Variants in RFC5 observed in about 807,000 individuals in gnomAD.
RFC5 encodes the protein replication factor C subunit 5.
In RFC5, 26 loss-of-function variants were observed where a neutral mutation model predicts 44.3. That is an observed-to-expected ratio of 0.59 (90% CI 0.43 to 0.81). RFC5 has a LOEUF of 0.81. Ranked by LOEUF, RFC5 falls within the 40% of genes least tolerant of loss-of-function variation. The pLI is 0.00. For missense variants in RFC5, 328 were observed against 418.6 expected (o/e 0.78, Z 1.89); for synonymous variants, 155 against 155.2 (o/e 1.00, Z 0.01).
intron 8 of RFC5, chr12:118,027,245 C>T (rs1470087712): frequency 1.6e-5 from 8 of 505,886 alleles, no homozygotes; most frequent in South Asian, 5.4e-5. Context: ...AGGCTTGAAG[C>T]AGCTTCACTC....
chr12:118,018,781 T>TGTATTTTTTG (rs1487024378), intron 1 of RFC5, among the ~76,000 whole-genome samples: 62 of 152,220 alleles, frequency 4.1e-4, no homozygotes, highest in African/African-American at 1.5e-3. Context: ...AGCTAATTTT[T>TGTATTTTTTG]GTATTTTTTG....
intron 7 of RFC5, among the ~76,000 whole-genome samples, chr12:118,026,654 T>G (rs111325163): frequency 2.0e-5 from 3 of 152,344 alleles, no homozygotes; most frequent in African/African-American, 7.2e-5. Flanking sequence ...AATCATTTGT[T>G]GCAAAGAAGG....
In RFC5 at chr12:118,025,777, A is replaced by T; in HGVS notation, c.612A>T (p.Ala204=). The change falls in exon 7 of 11, where the codon GCA becomes GCT. Residue 204 remains alanine, a synonymous_variant. Transcript: ENST00000454402. ...ATATAAGTGAAGATGGAATGAAAGC[A>T]CTAGTCACTCTTTCCAGTGGAGACA... ...KVDISEDGMK[A]LVTLSSGDMR... 3 of 1,609,646 alleles carry T rather than the reference A, an allele frequency of 1.9e-6. No individual in the cohort carries two copies. The highest frequency in any genetic ancestry group is 2.5e-6 in the Non-Finnish European group (3 of 1,177,536).
In RFC5 at chr12:118,031,941, C is replaced by T. The variant is rs533702309; in HGVS notation, c.*663C>T. On this transcript the variant is annotated 3_prime_UTR_variant, in exon 11 of 11. Coordinates refer to ENST00000454402, the MANE Select transcript of RFC5 (RefSeq NM_007370.7). ...ACTGGGTGGCAGAGGCTGTATAAAACGCACTTGTTTTCATGCAGGAGCGGG... is the reference window on the plus strand; with the variant it reads ...ACTGGGTGGCAGAGGCTGTATAAAATGCACTTGTTTTCATGCAGGAGCGGG... 3 of 152,282 alleles carry T rather than the reference C, an allele frequency of 2.0e-5. No individual in the cohort carries two copies. The highest frequency in any genetic ancestry group is 4.1e-4 in the South Asian group (2 of 4,820). 9.4% of individuals were successfully genotyped at this position (152,282 alleles called of 1,614,324 possible).
chr12:118,037,281 T>G (rs1382457630), downstream of RFC5, among the ~76,000 whole-genome samples: 1 of 152,184 alleles, frequency 6.6e-6, no homozygotes, highest in Non-Finnish European at 1.5e-5. Flanking sequence ...TATGGAACCA[T>G]GGAAATCTGT....
In RFC5 at chr12:118,025,846, T is replaced by TC; in HGVS notation, c.663+20dup. ...TTTTGCAGGTATGGTCTCAAGCAAA[T>TC]CCTTTTTTTTTTTTTTTTTTGAGAC... On this transcript the variant is annotated intron_variant, in intron 7 of 10. Coordinates refer to ENST00000454402, the MANE Select transcript of RFC5 (RefSeq NM_007370.7). 1 of 1,325,222 alleles carries TC rather than the reference T, an allele frequency of 7.5e-7. No homozygotes were observed. Among genetic ancestry groups the TC allele is most frequent in the East Asian group, 2.3e-5 (1 of 43,066 alleles). The allele number at this position is 1,325,222 out of a possible 1,614,324, so 82.1% of individuals were successfully genotyped here. A position where few individuals can be genotyped will look rare whatever the true frequency, so the allele number is the denominator to read the frequency against.
intron 9 of RFC5, among the ~76,000 whole-genome samples, chr12:118,029,174 C>A (rs1304567565): frequency 1.3e-5 from 2 of 152,258 alleles, no homozygotes; most frequent in African/African-American, 2.4e-5. Flanking sequence ...AATCCCAACA[C>A]TTTGGGAAGT....
At chr12:118,028,819 G>A (rs1422518378) in intron 9 of RFC5, among the ~76,000 whole-genome samples, 1 of 152,160 alleles carries the variant, frequency 6.6e-6, no homozygotes, top group Non-Finnish European at 1.5e-5. Flanking sequence ...GCAGCAGATA[G>A]GGGCACTCCA....
downstream of RFC5, chr12:118,034,986 C>T: frequency 6.2e-7 from 1 of 1,614,006 alleles, no homozygotes; most frequent in Non-Finnish European, 8.5e-7. Context: ...AAATACATAC[C>T]CTGTGGCAAT....
intron 7 of RFC5, 38 bp downstream of exon 7, chr12:118,025,866 TGAG>T: frequency 8.8e-7 from 1 of 1,130,086 alleles, no homozygotes; most frequent in Non-Finnish European, 1.3e-6. Flanking sequence ...TTTTTTTTTT[TGAG>T]ACAGAGTCTT....
downstream of RFC5, chr12:118,034,975 CAAAT>C (rs2031473453): frequency 6.2e-7 from 1 of 1,613,544 alleles, no homozygotes; most frequent in African/African-American, 1.3e-5. Flanking sequence ...GTTCAGCTAA[CAAAT>C]ACATACCCTG....
rs1292348977 is a variant in RFC5, at chr12:118,016,735, C to T, written c.-93C>T. On this transcript the variant is annotated 5_prime_UTR_variant, in exon 1 of 11. Coordinates refer to ENST00000454402, the MANE Select transcript of RFC5 (RefSeq NM_007370.7). The stretch of plus-strand genomic sequence containing the variant: ...GCTTTTGCGCGCGAACTGTAAGTGC[C>T]AGGGTCTCAGGGTCAGGTCGCGGCT... 3.9e-6 allele frequency: 4 copies of T among 1,031,036 alleles called. No homozygotes were observed. Among genetic ancestry groups the T allele is most frequent in the Admixed American group, 2.1e-5 (1 of 47,624 alleles). 63.9% of individuals were successfully genotyped at this position (1,031,036 alleles called of 1,614,324 possible). A position where few individuals can be genotyped will look rare whatever the true frequency, so the allele number is the denominator to read the frequency against.
intron 6 of RFC5, chr12:118,025,369 G>T: frequency 3.1e-6 from 1 of 321,142 alleles, no homozygotes; most frequent in Non-Finnish European, 5.8e-6. Flanking sequence ...CACATTCTGT[G>T]TAGTCAGATG....
At chr12:118,025,451 G>A (rs781259001) in intron 6 of RFC5, 5 of 378,826 alleles carry the variant, frequency 1.3e-5, no homozygotes, top group Non-Finnish European at 2.4e-5. Flanking sequence ...CATGGCTTGT[G>A]CCAGGCCTCT....
chr12:118,028,674 G>A (rs7305105), intron 9 of RFC5, among the ~76,000 whole-genome samples: 51,678 of 150,672 alleles, frequency 0.34, 9,093 homozygotes, highest in East Asian at 0.52. Flanking sequence ...CTATCTATCT[G>A]TCTATCTAGA....
Position 118,019,700 on chromosome 12 carries a change from A to C in RFC5, c.199A>C (p.Thr67Pro). 4 of 1,613,852 alleles carry C rather than the reference A, an allele frequency of 2.5e-6. No homozygotes were observed. Among genetic ancestry groups the C allele is most frequent in the Non-Finnish European group, 3.4e-6 (4 of 1,179,744 alleles). Residue 67 changes from threonine to proline, a missense_variant, in exon 3 of 11, where the codon ACA (threonine) becomes CCA (proline). By Grantham distance (38) the Thr-to-Pro change is conservative. Coordinates refer to ENST00000454402, the MANE Select transcript of RFC5 (RefSeq NM_007370.7). The surrounding 1 kb of genome is among the most constrained non-coding windows in gnomAD (Gnocchi z 4.2). ...LLYGPPGTGKTSTILACAKQL... is the reference protein window; with the variant it reads ...LLYGPPGTGKPSTILACAKQL... ...CTACGGTCCCCCAGGGACAGGCAAG[A>C]CATCTACCATCCTAGCCTGTGCGAA...
At chr12:118,029,962 A>T in intron 10 of RFC5, 137 bp downstream of exon 10, 1 of 716,848 alleles carries the variant, frequency 1.4e-6, no homozygotes, top group Non-Finnish European at 2.5e-6. Context: ...GGTGATATTG[A>T]ATGGAATGTG....
chr12:118,033,768 A>C (rs1001063098), downstream of RFC5: 13 of 165,588 alleles, frequency 7.9e-5, no homozygotes, highest in African/African-American at 2.9e-4. Flanking sequence ...CTACCACTGC[A>C]TCAGAAACAC....
At chr12:118,030,140 A>C (rs1291144745) in intron 10 of RFC5, among the ~76,000 whole-genome samples, 1 of 152,196 alleles carries the variant, frequency 6.6e-6, no homozygotes, top group Non-Finnish European at 1.5e-5. Flanking sequence ...TCAACCACCC[A>C]GCTGTTATTA....
Sources: allele counts gnomAD v4.1 joint callset (sites outside exome capture counted in the v4.1 genomes callset), GRCh38; gene constraint gnomAD v4.1.1; non-coding constraint Gnocchi (gnomAD v3.1); transcripts MANE v1.5; gene names NCBI Gene and HGNC (gene_info 2026-07-23, HGNC 2026-07-21).